The following TRIQK variants were observed in gnomAD, a reference collection of about 807,000 sequenced individuals.
TRIQK encodes the protein triple QxxK/R motif containing.
Under a neutral mutation model 10.8 loss-of-function variants are expected in TRIQK, and 10 were observed. The ratio of observed to expected loss-of-function variants is 0.92; its 90% CI spans 0.57 to 1.57. TRIQK has a LOEUF of 1.57. TRIQK is among the 40% of genes most tolerant of loss of function. TRIQK has a pLI of 0.00. For synonymous variants in TRIQK, 33 were observed against 33.7 expected (o/e 0.98, Z 0.07); for missense variants, 107 against 97.7 (o/e 1.09, Z -0.40).
intron 2 of TRIQK, among the ~76,000 whole-genome samples, chr8:92,942,724 T>A (rs529125964): frequency 6.6e-6 from 1 of 152,182 alleles, no homozygotes; most frequent in Admixed American, 6.5e-5. Context: ...AGACAGAGTA[T>A]AGCTCTGTTG....
intron 4 of TRIQK, among the ~76,000 whole-genome samples, chr8:92,887,337 A>T (rs1420223618): frequency 6.6e-6 from 1 of 151,544 alleles, no homozygotes; most frequent in South Asian, 2.1e-4. Context: ...CTCTTCACTC[A>T]TGAAGCATAA....
chr8:92,917,087 A>T, intron 2 of TRIQK, 77 bp from the exon 3 acceptor site: 1 of 866,264 alleles, frequency 1.2e-6, no homozygotes, highest in Non-Finnish European at 1.6e-6. Context: ...TTATTCTATA[A>T]AATTCATTTT....
chr8:92,913,131 G>A (rs1366725421), intron 3 of TRIQK, among the ~76,000 whole-genome samples: 1 of 152,064 alleles, frequency 6.6e-6, no homozygotes, highest in African/African-American at 2.4e-5. Flanking sequence ...ATTTATCCCT[G>A]GGCTATAAGG....
chr8:92,990,450 G>T (rs1813084837), intron 1 of TRIQK, among the ~76,000 whole-genome samples: 1 of 152,112 alleles, frequency 6.6e-6, no homozygotes, highest in African/African-American at 2.4e-5. Flanking sequence ...AGATCACGTA[G>T]TTGTCGCTGG....
At chr8:92,953,144 T>C (rs1045125359) in intron 2 of TRIQK, among the ~76,000 whole-genome samples, 1 of 152,084 alleles carries the variant, frequency 6.6e-6, no homozygotes, top group Admixed American at 6.6e-5. Flanking sequence ...TTCATGCTCT[T>C]ATTATAACAC....
chr8:92,915,280 T>C (rs1809766492), intron 3 of TRIQK, among the ~76,000 whole-genome samples: 1 of 152,144 alleles, frequency 6.6e-6, no homozygotes, highest in Admixed American at 6.5e-5. Context: ...ACTATAGATC[T>C]AATATACCAC....
intron 2 of TRIQK, among the ~76,000 whole-genome samples, chr8:92,931,982 G>C (rs1410501598): frequency 6.6e-6 from 1 of 152,134 alleles, no homozygotes; most frequent in African/African-American, 2.4e-5. Flanking sequence ...TATCACAATA[G>C]TAGGTTATGC....
intron 1 of TRIQK, among the ~76,000 whole-genome samples, chr8:92,977,308 A>AG (rs1261490130): frequency 1.8e-4 from 27 of 152,072 alleles, no homozygotes; most frequent in Non-Finnish European, 2.8e-4. Flanking sequence ...TCACTACTTT[A>AG]AAGGGACTTC....
chr8:92,930,245 C>T (rs1294805298), intron 2 of TRIQK, among the ~76,000 whole-genome samples: 1 of 150,772 alleles, frequency 6.6e-6, no homozygotes, highest in African/African-American at 2.4e-5. Context: ...AAAAAATTAA[C>T]TGGTCTTGGT....
chr8:92,985,330 G>T (rs1320888857), intron 1 of TRIQK, among the ~76,000 whole-genome samples: 3 of 152,162 alleles, frequency 2.0e-5, no homozygotes, highest in Non-Finnish European at 4.4e-5. Flanking sequence ...TCATTATTTA[G>T]TCAGTGGCTA....
rs182402775 is a variant in TRIQK at position 93,007,394 on chromosome 8, T to C, written c.-181+10215A>G. Among the ~76,000 whole-genome samples the C allele has an allele frequency of 1.4e-3, 220 of 152,086 alleles. 2 individuals are homozygous for C. Among genetic ancestry groups the C allele is most frequent in the African/African-American group, 5.0e-3 (207 of 41,480 alleles). On this transcript the variant is annotated intron_variant, in intron 1 of 4. Coordinates refer to the TRIQK transcript ENST00000520686. ...ATCCAAAAGTTAGCAGCCTCAAAGA[T>C]CAAAGCTAGATAAACTAACGAAGAT...
At chr8:92,910,403 G>A (rs1388858515) in intron 3 of TRIQK, among the ~76,000 whole-genome samples, 1 of 150,812 alleles carries the variant, frequency 6.6e-6, no homozygotes, top group Admixed American at 6.6e-5. Flanking sequence ...TTTGAAGAAT[G>A]AAAAAGGAAA....
At chr8:92,958,647 C>G (rs1035304354) in intron 1 of TRIQK, among the ~76,000 whole-genome samples, 4 of 151,808 alleles carry the variant, frequency 2.6e-5, no homozygotes, top group Non-Finnish European at 5.9e-5. Flanking sequence ...CCATATAAGA[C>G]CAAACAGATG....
chr8:92,895,434 A>T (rs2130296278), intron 3 of TRIQK, among the ~76,000 whole-genome samples: 1 of 152,316 alleles, frequency 6.6e-6, no homozygotes, highest in East Asian at 1.9e-4. Context: ...GATGAATTTG[A>T]AAGAGCAGGC....
At chr8:92,982,090 G>A (rs1812992097) in intron 1 of TRIQK, among the ~76,000 whole-genome samples, 2 of 151,250 alleles carry the variant, frequency 1.3e-5, no homozygotes, top group South Asian at 4.2e-4. Context: ...GTTTAAATAA[G>A]GTTTTCTGTT....
intron 2 of TRIQK, among the ~76,000 whole-genome samples, chr8:92,934,097 GA>G (rs1810864445): frequency 6.6e-6 from 1 of 151,920 alleles, no homozygotes; most frequent in African/African-American, 2.4e-5. Flanking sequence ...ATGGTGAACT[GA>G]AAAAGCAAGT....
intron 2 of TRIQK, among the ~76,000 whole-genome samples, chr8:92,919,679 C>T (rs1335453997): frequency 6.6e-6 from 1 of 151,726 alleles, no homozygotes; most frequent in Non-Finnish European, 1.5e-5. Context: ...GTATTCCCTC[C>T]TCTTCAATGT....
intron 1 of TRIQK, among the ~76,000 whole-genome samples, chr8:92,984,369 C>T (rs149661408): frequency 2.0e-5 from 3 of 151,822 alleles, no homozygotes; most frequent in Admixed American, 1.3e-4. Flanking sequence ...TACCATTACA[C>T]GAGCCAAGGA....
chr8:92,979,395 C>T (rs1317422554), intron 1 of TRIQK, among the ~76,000 whole-genome samples: 1 of 152,098 alleles, frequency 6.6e-6, no homozygotes, highest in Non-Finnish European at 1.5e-5. Context: ...GTTGTTTTCA[C>T]TGTGAAGAAT....
Sources: gnomAD v4.1 joint callset for allele counts (sites outside exome capture counted in the v4.1 genomes callset) on GRCh38, gnomAD v4.1.1 for gene constraint, MANE v1.5 for transcripts, NCBI Gene and HGNC (gene_info 2026-07-23, HGNC 2026-07-21) for gene names.